CRISPLD2: variants seen among roughly 807,000 people sequenced by gnomAD.
The protein encoded by CRISPLD2 is cysteine-rich secretory protein LCCL domain-containing 2.
In CRISPLD2, 47 loss-of-function variants were observed where a neutral mutation model predicts 71.1. The observed-to-expected ratio is 0.66, with a 90% CI of 0.52 to 0.84. The LOEUF is 0.84. Ranked by LOEUF, CRISPLD2 falls within the 40% of genes least tolerant of loss-of-function variation. The pLI is 0.00. For synonymous variants in CRISPLD2, 317 were observed against 250.1 expected (o/e 1.27, Z -2.52); for missense variants, 830 against 651.1 (o/e 1.27, Z -2.99).
chr16:84,873,012 C>T lies in CRISPLD2; in HGVS notation c.1002C>T (p.Ala334=), dbSNP rs776785949. The part of the protein sequence containing the change: ...FYESSSSICR[A]AIHYGILDDK... ...GCCAGTCGTCTAGCATATGCCGCGCCGCCATCCACTACGGGATCCTGGATG... is the reference window on the plus strand; with the variant it reads ...GCCAGTCGTCTAGCATATGCCGCGCTGCCATCCACTACGGGATCCTGGATG... Residue 334 remains alanine, a synonymous_variant, in exon 10 of 15, where the codon GCC becomes GCT. Transcript: ENST00000262424. 28 of 1,613,254 alleles carry T rather than the reference C, an allele frequency of 1.7e-5. No homozygotes were observed. Among genetic ancestry groups the T allele is most frequent in the African/African-American group, 9.4e-5 (7 of 74,818 alleles).
intron 6 of CRISPLD2, among the ~76,000 whole-genome samples, chr16:84,864,453 C>G (rs1267690670): frequency 2.0e-5 from 3 of 152,192 alleles, no homozygotes; most frequent in African/African-American, 7.2e-5. Flanking sequence ...CCGGCTTATT[C>G]TCCAGCCAGC....
chr16:84,826,374 C>T (rs1309924271), intron 1 of CRISPLD2, among the ~76,000 whole-genome samples: 4 of 152,250 alleles, frequency 2.6e-5, no homozygotes, highest in Non-Finnish European at 5.9e-5. Flanking sequence ...CCCTGATGCT[C>T]CAGGGCCTGA....
At chr16:84,823,916 G>C (rs545828175) in intron 1 of CRISPLD2, among the ~76,000 whole-genome samples, 1 of 152,286 alleles carries the variant, frequency 6.6e-6, no homozygotes, top group African/African-American at 2.4e-5. Context: ...AGGAAAAAAA[G>C]TCATGCTCCC....
intron 1 of CRISPLD2, among the ~76,000 whole-genome samples, chr16:84,823,604 C>G (rs895069247): frequency 6.6e-6 from 1 of 152,222 alleles, no homozygotes; most frequent in African/African-American, 2.4e-5. Context: ...TGAGACATCG[C>G]CCTGGGGGAG....
intron 1 of CRISPLD2, among the ~76,000 whole-genome samples, chr16:84,823,586 G>A (rs1292675438): frequency 1.3e-5 from 2 of 152,222 alleles, no homozygotes; most frequent in African/African-American, 4.8e-5. Flanking sequence ...GCAGCAGGCA[G>A]GGAATCCTGA....
intron 13 of CRISPLD2, among the ~76,000 whole-genome samples, chr16:84,881,550 C>A (rs967163955): frequency 6.6e-6 from 1 of 152,118 alleles, no homozygotes; most frequent in African/African-American, 2.4e-5. Flanking sequence ...GCGGAACGGC[C>A]CAGAACCGGG....
chr16:84,865,833 G>C (rs1401059292), intron 6 of CRISPLD2, among the ~76,000 whole-genome samples: 2 of 152,144 alleles, frequency 1.3e-5, no homozygotes. Context: ...GCTAACTCAG[G>C]TTTATTAAGT....
intron 3 of CRISPLD2, 41 bp from the exon 4 acceptor site, chr16:84,849,344 G>A (rs1316381340): frequency 6.4e-7 from 1 of 1,571,934 alleles, no homozygotes; most frequent in African/African-American, 1.3e-5. Context: ...TGGTGGGTGA[G>A]GGGAGGGGCT....
intron 14 of CRISPLD2, among the ~76,000 whole-genome samples, chr16:84,902,612 A>G (rs956427297): frequency 6.6e-6 from 1 of 151,498 alleles, no homozygotes; most frequent in Non-Finnish European, 1.5e-5. Flanking sequence ...TCCATCTCAA[A>G]AAAAAAAGAA....
chr16:84,820,504 A>G (rs1379858518), intron 1 of CRISPLD2, among the ~76,000 whole-genome samples: 1 of 152,170 alleles, frequency 6.6e-6, no homozygotes, highest in Non-Finnish European at 1.5e-5. Flanking sequence ...AGCTGATGGC[A>G]TGGATATGGC....
intron 12 of CRISPLD2, among the ~76,000 whole-genome samples, chr16:84,878,720 CT>C (rs375224564): frequency 0.028 from 4,224 of 152,264 alleles, 214 homozygotes; most frequent in African/African-American, 0.096. Flanking sequence ...GGAACATCCT[CT>C]TATTTGAATC....
chr16:84,870,618 G>A (rs1432856914), intron 8 of CRISPLD2, among the ~76,000 whole-genome samples: 5 of 152,118 alleles, frequency 3.3e-5, no homozygotes, highest in African/African-American at 1.2e-4. Flanking sequence ...CGCCTAGGCT[G>A]CTTATGTATT....
At chr16:84,877,247 G>A (rs534333014) in intron 11 of CRISPLD2, among the ~76,000 whole-genome samples, 191 bp from the exon 12 acceptor site, 4 of 152,282 alleles carry the variant, frequency 2.6e-5, no homozygotes, top group South Asian at 4.2e-4. Flanking sequence ...CATGCAGGCC[G>A]TGGGTTTGGT....
rs1597454745 is a variant in CRISPLD2 at position 84,846,077 on chromosome 16, G to A, written c.359+173G>A. The A allele has an allele frequency of 1.2e-5, 6 of 513,536 alleles. No homozygotes were observed. The East Asian group carries it at 1.9e-4, about 17-fold the overall frequency. The allele number at this position is 513,536 out of a possible 1,614,324, so 31.8% of individuals were successfully genotyped here. ...CATCCAGGAACACTCCTGAGTGACT[G>A]ACAAAATGTATTCAAGCTTGGTTGG... On this transcript the variant is annotated intron_variant, in intron 3 of 14. Coordinates refer to ENST00000262424, the MANE Select transcript of CRISPLD2 (RefSeq NM_031476.4).
At chr16:84,867,824 G>C (rs772762798) in intron 7 of CRISPLD2, among the ~76,000 whole-genome samples, 2 of 152,110 alleles carry the variant, frequency 1.3e-5, no homozygotes, top group Non-Finnish European at 2.9e-5. Context: ...CTCACCTTTG[G>C]CCTTTTGGCT....
At chr16:84,826,692 G>T (rs1367677949) in intron 1 of CRISPLD2, among the ~76,000 whole-genome samples, 6 of 152,222 alleles carry the variant, frequency 3.9e-5, no homozygotes, top group Admixed American at 2.0e-4. Context: ...CCTTGGCATC[G>T]CAGGACAAAG....
chr16:84,884,660 C>G (rs986661858), intron 13 of CRISPLD2, among the ~76,000 whole-genome samples: 50 of 152,082 alleles, frequency 3.3e-4, no homozygotes, highest in African/African-American at 1.1e-3. Flanking sequence ...AAGGTGTTTG[C>G]GTGGGAGATG....
intron 1 of CRISPLD2, among the ~76,000 whole-genome samples, chr16:84,827,149 G>C (rs924350292): frequency 6.6e-5 from 10 of 150,770 alleles, no homozygotes; most frequent in African/African-American, 4.9e-5. Flanking sequence ...ACCCCCCAAG[G>C]TAGTCATTTC....
intron 8 of CRISPLD2, 29 bp downstream of exon 8, chr16:84,868,940 T>A (rs761376049): frequency 6.6e-7 from 1 of 1,517,428 alleles, no homozygotes; most frequent in Non-Finnish European, 9.0e-7. Flanking sequence ...GTCCTGCCAC[T>A]GTAGCCTCTG....
Sources: allele counts gnomAD v4.1 joint callset (sites outside exome capture counted in the v4.1 genomes callset), GRCh38; gene constraint gnomAD v4.1.1; transcripts MANE v1.5; gene names NCBI Gene and HGNC (gene_info 2026-07-23, HGNC 2026-07-21).